The following PADI6 variants were observed in gnomAD, a reference collection of about 807,000 sequenced individuals.
PADI6 encodes peptidyl arginine deiminase 6, also known as inactive protein-arginine deiminase type-6.
A neutral mutation model predicts 78.2 loss-of-function variants in PADI6; 66 were observed. The observed-to-expected ratio is 0.84, with a 90% confidence interval of 0.69 to 1.04. The LOEUF is 1.04. Among genes scored for constraint, PADI6 ranks in the 50% least tolerant of loss-of-function variants. The pLI is 0.00. For synonymous variants in PADI6, 397 were observed against 346.9 expected (o/e 1.14, Z -1.60); for missense variants, 854 against 866.1 (o/e 0.99, Z 0.18).
At chr1:17,387,167 G>A (rs1432699090) in intron 6 of PADI6, among the ~76,000 whole-genome samples, 1 of 152,176 alleles carries the variant, frequency 6.6e-6, no homozygotes, top group African/African-American at 2.4e-5. Flanking sequence ...ACTTGGGCTG[G>A]GCACAGTGGC....
In PADI6 at chr1:17,382,087, C is replaced by T; in HGVS notation, c.674C>T (p.Pro225Leu). The T allele has an allele frequency of 1.2e-6, 2 of 1,613,680 alleles. No individual in the cohort carries two copies. Among genetic ancestry groups the T allele is most frequent in the Non-Finnish European group, 1.7e-6 (2 of 1,179,750 alleles). ...TCGAAGAAGGCGAGAGTCTACTGGC[C>T]CCAAAGTGAGTGTTCTTGTGCCAGC... ...EESKKARVYW[P>L]QKDNSSTFEL... Residue 225 changes from proline to leucine, a missense_variant, in exon 6 of 16, where the codon CCC (proline) becomes CTC (leucine). By Grantham distance (98) the Pro-to-Leu change is moderately conservative. Transcript: ENST00000619609.
chr1:17,394,069 T>C lies in PADI6; in HGVS notation c.1169T>C (p.Met390Thr). ...PQAADLDEFP[M>T]KYSLSPGIGY... ...GCCGCCGATCTCGATGAGTTCCCCA[T>C]GAAGTACTCACTGGTGTGGAACTTG... The change falls in exon 10 of 16, where the codon ATG becomes ACG. Residue 390 changes from methionine (M) to threonine (T), a missense_variant. By Grantham distance (81) the Met-to-Thr change is moderately conservative. Coordinates refer to ENST00000619609, the MANE Select transcript of PADI6 (RefSeq NM_207421.4). The C allele has an allele frequency of 1.2e-6, 2 of 1,613,612 alleles. No individual in the cohort carries two copies. Among genetic ancestry groups the C allele is most frequent in the Non-Finnish European group, 1.7e-6 (2 of 1,179,580 alleles).
chr1:17,386,077 G>GC (rs1374735838), intron 6 of PADI6, among the ~76,000 whole-genome samples: 1 of 152,082 alleles, frequency 6.6e-6, no homozygotes, highest in Admixed American at 6.5e-5. Flanking sequence ...GTTTGAGGTA[G>GC]CTAAGGCCTC....
At position 17,394,952 on chromosome 1, in the gene PADI6, G is replaced by T; in HGVS notation, c.1339G>T (p.Ala447Ser). The stretch of plus-strand genomic sequence containing the variant: ...CTGTTCTTTCCATCTTCCTTCTAGC[G>T]CAGAGGGCCGGGCCATGAGTAAGAC... The part of the protein sequence containing the change: ...VLIGSSFYPS[A>S]EGRAMSKTLR... Residue 447 changes from alanine (A) to serine (S), a missense_variant and splice_region_variant, in exon 12 of 16, where the codon GCA (alanine) becomes TCA (serine). Coordinates refer to ENST00000619609, the MANE Select transcript of PADI6 (RefSeq NM_207421.4). The T allele has an allele frequency of 1.2e-6, 2 of 1,609,288 alleles. No individual in the cohort carries two copies. The highest frequency in any genetic ancestry group is 1.7e-6 in the Non-Finnish European group (2 of 1,178,440).
At chr1:17,378,404 C>A (rs939336883) in intron 3 of PADI6, among the ~76,000 whole-genome samples, 8 of 152,152 alleles carry the variant, frequency 5.3e-5, no homozygotes, top group Non-Finnish European at 1.2e-4. Context: ...GATGTAACAG[C>A]AAACAAGTCC....
At chr1:17,379,811 C>T (rs2075054944) in intron 3 of PADI6, 109 bp from the exon 4 acceptor site, 2 of 870,340 alleles carry the variant, frequency 2.3e-6, no homozygotes, top group Non-Finnish European at 3.7e-6. Flanking sequence ...GCCAGAAAGG[C>T]TAGATGCCCT....
In PADI6 at chr1:17,379,569, C is replaced by T. The variant is rs1004319039; in HGVS notation, c.368-351C>T. Among the ~76,000 whole-genome samples the T allele has an allele frequency of 3.9e-5, 6 of 152,132 alleles. No individual in the cohort carries two copies. The East Asian group carries it at 1.2e-3, about 29-fold the overall frequency. ...TGTGCCCGGCCATATTAAGCCTTTC[C>T]TATGTCTTGGAGCATAAAGCTTTCC... On this transcript the variant is annotated intron_variant, in intron 3 of 15. Coordinates refer to ENST00000619609, the MANE Select transcript of PADI6 (RefSeq NM_207421.4).
At chr1:17,386,060 A>G (rs981577528) in intron 6 of PADI6, among the ~76,000 whole-genome samples, 1 of 19,556 alleles carries the variant, frequency 5.1e-5, no homozygotes, top group Non-Finnish European at 1.2e-4. Flanking sequence ...CAGGGTGGGT[A>G]GGGAGAGTTT....
chr1:17,392,403 A>C (rs1286710539), intron 9 of PADI6, among the ~76,000 whole-genome samples, 178 bp downstream of exon 9: 1 of 152,216 alleles, frequency 6.6e-6, no homozygotes, highest in African/African-American at 2.4e-5. Flanking sequence ...AGTCATGGCC[A>C]CTAAGGAATA....
At chr1:17,384,896 G>A (rs72637458) in intron 6 of PADI6, among the ~76,000 whole-genome samples, 22,329 of 152,224 alleles carry the variant, frequency 0.15, 2,124 homozygotes, top group Admixed American at 0.24. Flanking sequence ...TTCTCTCTCC[G>A]TAAAGGGAGA....
chr1:17,398,670 A>ACCCCCCC lies in PADI6; in HGVS notation c.1690-13_1690-12insCCCCCCC. 1.1e-5 allele frequency: 1 copy of ACCCCCCC among 92,990 alleles called. No individual in the cohort carries two copies. Among genetic ancestry groups the ACCCCCCC allele is most frequent in the South Asian group, 6.3e-5 (1 of 15,918 alleles). The allele number at this position is 92,990 out of a possible 1,614,324, so 5.8% of individuals were successfully genotyped here. A position where few individuals can be genotyped will look rare whatever the true frequency, so the allele number is the denominator to read the frequency against. On this transcript the variant is annotated splice_polypyrimidine_tract_variant and intron_variant, in intron 14 of 15. Transcript: ENST00000619609. ...TGCTCCCCCGCCCCCCCCCCCACCC[A>ACCCCCCC]CCCACCCACCCACAGAAGTGCATTC...
In PADI6 at chr1:17,379,987, G is replaced by A. The variant is rs2075057255; in HGVS notation, c.435G>A (p.Lys145=). 1.2e-6 allele frequency: 2 copies of A among 1,613,374 alleles called. No individual in the cohort carries two copies. Among genetic ancestry groups the A allele is most frequent in the African/African-American group, 1.3e-5 (1 of 75,034 alleles). ...QVEMSSDKQA[K]KKWIWGPSGW... ...AGATGTCAAGTGACAAACAGGCTAA[G>A]GTGAGTCTGCCAGCAAAAGGGGGCA... is the stretch of plus-strand genomic sequence containing the variant. The change falls in exon 4 of 16, where the codon AAG becomes AAA. Residue 145 remains lysine (K), a splice_region_variant and synonymous_variant. Transcript: ENST00000619609.
At chr1:17,376,147 A>G (rs537750237) in intron 3 of PADI6, among the ~76,000 whole-genome samples, 1 of 139,998 alleles carries the variant, frequency 7.1e-6, no homozygotes, top group African/African-American at 2.7e-5. Flanking sequence ...GCTAATTTTT[A>G]TATTTTTAGT....
In PADI6 at chr1:17,381,142, C is replaced by G. The variant is rs780000564; in HGVS notation, c.531C>G (p.Thr177=). ...DVGQQLEDKK[T]KKVIFSEEIT... ...GCCAGCAACTTGAGGACAAGAAAAC[C>G]AAGAAAGTGATCTTTTCAGAGGGTA... Residue 177 remains threonine, a synonymous_variant, in exon 5 of 16, where the codon ACC becomes ACG. Coordinates refer to ENST00000619609, the MANE Select transcript of PADI6 (RefSeq NM_207421.4). 1.9e-6 allele frequency: 3 copies of G among 1,606,896 alleles called. No individual in the cohort carries two copies. The highest frequency in any genetic ancestry group is 2.5e-6 in the Non-Finnish European group (3 of 1,176,782).
chr1:17,372,427 C>G, intron 1 of PADI6, 66 bp downstream of exon 1: 2 of 1,450,564 alleles, frequency 1.4e-6, no homozygotes, highest in Non-Finnish European at 1.9e-6. Flanking sequence ...GACCCAGTCC[C>G]CTTGATCTGG....
At chr1:17,398,288 G>A (rs756725458) in intron 14 of PADI6, among the ~76,000 whole-genome samples, 79 of 152,298 alleles carry the variant, frequency 5.2e-4, no homozygotes, top group Non-Finnish European at 8.5e-4. Flanking sequence ...AGCCCCTGGC[G>A]ACAGCTTAGG....
At chr1:17,398,956 C>G in intron 15 of PADI6, 109 bp downstream of exon 15, 1 of 1,248,206 alleles carries the variant, frequency 8.0e-7, no homozygotes, top group Non-Finnish European at 1.1e-6. Flanking sequence ...ATAACGGTAC[C>G]TATGAGGAAA....
chr1:17,386,754 A>AG (rs2075123462), intron 6 of PADI6, among the ~76,000 whole-genome samples: 1 of 152,106 alleles, frequency 6.6e-6, no homozygotes, highest in South Asian at 2.1e-4. Context: ...AGGGCCTCCA[A>AG]GGAGGGGCTG....
chr1:17,395,694 C>T (rs774170883), intron 13 of PADI6, 31 bp downstream of exon 13: 1 of 1,583,414 alleles, frequency 6.3e-7, no homozygotes, highest in African/African-American at 1.3e-5. Context: ...CAGAACAGAA[C>T]TGGGGTCTTC....
Sources: gnomAD v4.1 joint callset for allele counts (sites outside exome capture counted in the v4.1 genomes callset) on GRCh38, gnomAD v4.1.1 for gene constraint, MANE v1.5 for transcripts, NCBI Gene and HGNC (gene_info 2026-07-23, HGNC 2026-07-21) for gene names.